GPC3: variants seen among roughly 807,000 people sequenced by gnomAD.
GPC3 encodes glypican 3, also known as glypican-3.
Under a neutral mutation model 34.4 loss-of-function variants are expected in GPC3, and 3 were observed. The observed-to-expected ratio is 0.09, with a 90% CI of 0.04 to 0.23. GPC3 has a LOEUF of 0.23. GPC3 is among the 10% of genes least tolerant of loss of function. GPC3 has a pLI of 1.00. For synonymous variants in GPC3, 177 were observed against 174.0 expected (o/e 1.02, Z -0.13); for missense variants, 351 against 445.6 (o/e 0.79, Z 1.91).
At chrX:133,891,646 T>C (rs1047955063) in intron 2 of GPC3, among the ~76,000 whole-genome samples, 2 of 107,097 alleles carry the variant, frequency 1.9e-5, no homozygotes, top group African/African-American at 3.4e-5. Context: ...ATAATTATTA[T>C]AATAATAATA....
chrX:133,967,525 T>C (rs2076469216), intron 1 of GPC3, among the ~76,000 whole-genome samples: 1 of 112,567 alleles, frequency 8.9e-6, no homozygotes, highest in Admixed American at 9.4e-5. Flanking sequence ...TTGCCAGTCT[T>C]ATATAACTTG....
intron 2 of GPC3, among the ~76,000 whole-genome samples, chrX:133,820,995 G>A (rs2075716331): frequency 8.9e-6 from 1 of 111,974 alleles, no homozygotes; most frequent in Non-Finnish European, 1.9e-5. Context: ...CATAGCAAGA[G>A]CTCCATGCAT....
chrX:133,741,281 C>CA (rs151157758), intron 3 of GPC3, among the ~76,000 whole-genome samples: 2,337 of 49,424 alleles, frequency 0.047, 31 homozygotes, highest in East Asian at 0.067. Flanking sequence ...TTGTTTAAGC[C>CA]AAAAAAAAAA....
chrX:133,895,966 C>A (rs902393724), intron 2 of GPC3, among the ~76,000 whole-genome samples: 2 of 111,876 alleles, frequency 1.8e-5, no homozygotes, highest in Non-Finnish European at 3.8e-5. Context: ...CCAATTAATA[C>A]ATACTCAAAA....
intron 2 of GPC3, among the ~76,000 whole-genome samples, chrX:133,817,478 C>G (rs1345472644): frequency 9.1e-6 from 1 of 109,815 alleles, no homozygotes; most frequent in Non-Finnish European, 1.9e-5. Context: ...TCTGCAGCTT[C>G]AAACAAAAAC....
At chrX:133,808,742 G>A (rs752347777) in intron 2 of GPC3, among the ~76,000 whole-genome samples, 11 of 94,610 alleles carry the variant, frequency 1.2e-4, no homozygotes, top group African/African-American at 5.4e-4. Context: ...CAGGACATGA[G>A]TATTTAAAAA....
At chrX:133,610,411 C>G (rs183944446) in intron 6 of GPC3, among the ~76,000 whole-genome samples, 4 of 111,039 alleles carry the variant, frequency 3.6e-5, no homozygotes, top group Non-Finnish European at 7.5e-5. Flanking sequence ...AGTCAACACA[C>G]TTACTGTTCC....
intron 2 of GPC3, among the ~76,000 whole-genome samples, chrX:133,907,854 A>G (rs2076176594): frequency 9.0e-6 from 1 of 111,232 alleles, no homozygotes; most frequent in African/African-American, 3.3e-5. Context: ...CAGATTGCCA[A>G]ATTGCTGTTC....
chrX:133,905,590 T>C (rs2076164400), intron 2 of GPC3, among the ~76,000 whole-genome samples: 1 of 112,139 alleles, frequency 8.9e-6, no homozygotes, highest in Non-Finnish European at 1.9e-5. Flanking sequence ...TGCAGAACAC[T>C]AGTCTAAGAC....
chrX:133,643,614 T>A (rs926491730), intron 6 of GPC3, among the ~76,000 whole-genome samples: 1 of 111,744 alleles, frequency 8.9e-6, no homozygotes, highest in Non-Finnish European at 1.9e-5. Context: ...CATACATATA[T>A]ACACATTAAT....
intron 2 of GPC3, among the ~76,000 whole-genome samples, chrX:133,918,503 G>A (rs1057064327): frequency 8.9e-6 from 1 of 112,463 alleles, no homozygotes; most frequent in African/African-American, 3.2e-5. Context: ...CTAGTGAAAT[G>A]TTTCCTTTAC....
intron 6 of GPC3, among the ~76,000 whole-genome samples, chrX:133,649,928 G>A (rs1395254640): frequency 9.1e-6 from 1 of 109,398 alleles, no homozygotes; most frequent in Non-Finnish European, 1.9e-5. Flanking sequence ...GCTCTGCAAT[G>A]CAAAAAAGAG....
chrX:133,695,159 A>G (rs1208578649), intron 4 of GPC3, among the ~76,000 whole-genome samples: 1 of 111,699 alleles, frequency 9.0e-6, no homozygotes, highest in Admixed American at 9.5e-5. Flanking sequence ...ATGAGTGCCA[A>G]GCAAAGGGGG....
At chrX:133,741,642 C>G (rs1299359820) in intron 3 of GPC3, among the ~76,000 whole-genome samples, 1 of 112,079 alleles carries the variant, frequency 8.9e-6, no homozygotes, top group African/African-American at 3.3e-5. Context: ...CACCTGCTTC[C>G]AAGTCTCTCT....
intron 6 of GPC3, among the ~76,000 whole-genome samples, chrX:133,609,335 A>G (rs890713626): frequency 5.3e-5 from 6 of 112,398 alleles, no homozygotes; most frequent in South Asian, 3.7e-4. Context: ...CTACCAAATG[A>G]TTAAGTACTT....
At chrX:133,942,101 A>T (rs2076347123) in intron 2 of GPC3, among the ~76,000 whole-genome samples, 1 of 111,906 alleles carries the variant, frequency 8.9e-6, no homozygotes, top group Admixed American at 9.5e-5. Context: ...GTATGCCTGT[A>T]TCAAAACATC....
chrX:133,985,190 C>T, intron 1 of GPC3, 85 bp downstream of exon 1: 2 of 1,041,726 alleles, frequency 1.9e-6, no homozygotes, highest in South Asian at 2.0e-5. Flanking sequence ...TACAGCCCGG[C>T]GGGGCTAGCG....
At chrX:133,574,468 G>C (rs1009172472) in intron 7 of GPC3, among the ~76,000 whole-genome samples, 2 of 111,854 alleles carry the variant, frequency 1.8e-5, no homozygotes, top group Non-Finnish European at 3.8e-5. Context: ...AATTCTCATT[G>C]GCCACATGAT....
chrX:133,737,475 C>T (rs1380448981), intron 3 of GPC3, among the ~76,000 whole-genome samples: 2 of 111,836 alleles, frequency 1.8e-5, no homozygotes, highest in Non-Finnish European at 3.8e-5. Context: ...TATAAACAAA[C>T]GCTCTGTAAT....
Sources: allele counts gnomAD v4.1 joint callset (sites outside exome capture counted in the v4.1 genomes callset), GRCh38; gene constraint gnomAD v4.1.1; transcripts MANE v1.5; gene names NCBI Gene and HGNC (gene_info 2026-07-23, HGNC 2026-07-21).